EVC2: variants seen among roughly 807,000 people sequenced by gnomAD.
The protein encoded by EVC2 is EvC ciliary complex subunit 2.
A neutral mutation model predicts 149.3 loss-of-function variants in EVC2; 148 were observed. The observed-to-expected ratio is 0.99, with a 90% CI of 0.87 to 1.14. The LOEUF is 1.14. Among genes scored for constraint, EVC2 ranks in the 50% most tolerant of loss-of-function variants. The pLI is 0.00. For synonymous variants in EVC2, 776 were observed against 649.9 expected (o/e 1.19, Z -2.95); for missense variants, 1,854 against 1,627.3 (o/e 1.14, Z -2.40).
chr4:5,550,504 C>T (rs965129482), intron 21 of EVC2, among the ~76,000 whole-genome samples: 1 of 152,112 alleles, frequency 6.6e-6, no homozygotes, highest in African/African-American at 2.4e-5. Flanking sequence ...TTTCTAGCAG[C>T]AAAGCATTCA....
the EVC2 span, among the ~76,000 whole-genome samples, chr4:5,531,334 A>G: frequency 1.3e-5 from 2 of 152,148 alleles, no homozygotes; most frequent in African/African-American, 4.8e-5. Context: ...CGCAGATATA[A>G]TAAAATGGTG....
At chr4:5,612,828 A>G (rs1273670032) in intron 16 of EVC2, among the ~76,000 whole-genome samples, 1 of 146,040 alleles carries the variant, frequency 6.8e-6, no homozygotes, top group Non-Finnish European at 1.5e-5. Context: ...AGGCTGAGGC[A>G]GGAGAATGGC....
At chr4:5,560,057 T>C (rs763067782), downstream of EVC2, among the ~76,000 whole-genome samples, 2 of 151,878 alleles carry the variant, frequency 1.3e-5, no homozygotes, top group Non-Finnish European at 1.5e-5. The surrounding 1 kb of genome is among the most constrained non-coding windows in gnomAD (Gnocchi z 4.1). Context: ...ACCTTGCATT[T>C]ACCAATTATT....
chr4:5,617,365 G>C (rs1715331847), intron 15 of EVC2, among the ~76,000 whole-genome samples: 1 of 152,148 alleles, frequency 6.6e-6, no homozygotes, highest in Non-Finnish European at 1.5e-5. Flanking sequence ...GATCATGTAA[G>C]CTTCAGTAAT....
chr4:5,581,652 C>G (rs1208784436), intron 17 of EVC2, among the ~76,000 whole-genome samples: 1 of 151,546 alleles, frequency 6.6e-6, no homozygotes, highest in Non-Finnish European at 1.5e-5. Context: ...TGAAACTGGA[C>G]CTTATATTTA....
intron 16 of EVC2, among the ~76,000 whole-genome samples, chr4:5,585,914 TGC>T (rs539422043): frequency 1.6e-3 from 243 of 152,284 alleles, no homozygotes; most frequent in African/African-American, 5.7e-3. Flanking sequence ...CAAGCTGGAG[TGC>T]AGTGGTGCAA....
chr4:5,561,454 TA>T (rs1284239458), downstream of EVC2, among the ~76,000 whole-genome samples: 1 of 152,214 alleles, frequency 6.6e-6, no homozygotes, highest in African/African-American at 2.4e-5. Flanking sequence ...TCAAACTGCT[TA>T]CCTGCACCTT....
chr4:5,679,616 TTTTTA>T lies in EVC2; in HGVS notation c.870+1639_870+1643del, dbSNP rs1381505086. On this transcript the variant is annotated intron_variant, in intron 7 of 21. Transcript: ENST00000344408. The surrounding 1 kb of genome is among the most constrained non-coding windows in gnomAD (Gnocchi z 5.1). ...ATCTTGGCTTACTGTAATTTTTTAT[TTTTTA>T]TTTTATTTTATTTTACTTTAAGTTC... Among the ~76,000 whole-genome samples, 1 of 152,152 alleles carries T rather than the reference TTTTTA, an allele frequency of 6.6e-6. No individual in the cohort carries two copies. Among genetic ancestry groups the T allele is most frequent in the African/African-American group, 2.4e-5 (1 of 41,442 alleles).
intron 7 of EVC2, among the ~76,000 whole-genome samples, chr4:5,666,064 G>A (rs747457899): frequency 2.0e-5 from 3 of 152,016 alleles, no homozygotes; most frequent in East Asian, 1.9e-4. Flanking sequence ...TCACCTTCCC[G>A]CTACCCTCTA....
At chr4:5,678,368 C>A (rs1203232504) in intron 7 of EVC2, among the ~76,000 whole-genome samples, 1 of 152,196 alleles carries the variant, frequency 6.6e-6, no homozygotes, top group African/African-American at 2.4e-5. Context: ...GGAGATGAAG[C>A]ATCCCCTCTG....
At position 5,706,319 on chromosome 4, in the gene EVC2, T is replaced by C. The variant is rs1248052124; in HGVS notation, c.228+1967A>G. Among the ~76,000 whole-genome samples, 3 of 141,782 alleles carry C rather than the reference T, an allele frequency of 2.1e-5. 1 individual carries two copies. Among genetic ancestry groups the C allele is most frequent in the Non-Finnish European group, 4.6e-5 (3 of 65,350 alleles). 93.0% of individuals were successfully genotyped at this position (141,782 alleles called of 152,430 possible). A position where few individuals can be genotyped will look rare whatever the true frequency, so the allele number is the denominator to read the frequency against. ...ATAGATAGATACATAGATAGATAGA[T>C]ACATAGATAGATAGATAGATACATA... On this transcript the variant is annotated intron_variant, in intron 1 of 21. Transcript: ENST00000344408.
chr4:5,609,530 CCTTT>C (rs1221624905), intron 16 of EVC2, among the ~76,000 whole-genome samples: 1 of 152,138 alleles, frequency 6.6e-6, no homozygotes, highest in African/African-American at 2.4e-5. Flanking sequence ...CTCGTGTCTG[CCTTT>C]CTTTGTGAGG....
intron 6 of EVC2, among the ~76,000 whole-genome samples, chr4:5,681,797 G>C (rs890461942): frequency 5.3e-5 from 8 of 152,180 alleles, no homozygotes; most frequent in African/African-American, 1.9e-4. Flanking sequence ...GAAGATACAG[G>C]AAACAGAAAA....
rs116352765 is a variant in EVC2 at position 5,640,159 on chromosome 4, A to C, written c.1470+355T>G. Among the ~76,000 whole-genome samples the C allele has an allele frequency of 6.6e-6, 1 of 151,966 alleles. No homozygotes were observed. The highest frequency in any genetic ancestry group is 2.4e-5 in the African/African-American group (1 of 41,374). On this transcript the variant is annotated intron_variant, in intron 10 of 21. Coordinates refer to ENST00000344408, the MANE Select transcript of EVC2 (RefSeq NM_147127.5). The surrounding 1 kb of genome is among the most constrained non-coding windows in gnomAD (Gnocchi z 4.6). ...AATTGTTGGATGGGTGATGGGTGGC[A>C]TGGATGGGAGGGTGGATAAATGAGT...
intron 16 of EVC2, 49 bp downstream of exon 16, chr4:5,615,373 G>A (rs770666901): frequency 6.2e-7 from 1 of 1,613,404 alleles, no homozygotes; most frequent in Non-Finnish European, 8.5e-7. Context: ...TATCAGAGCA[G>A]CCCCGCCATG....
At chr4:5,572,180 G>A (rs973491534) in intron 19 of EVC2, among the ~76,000 whole-genome samples, 1 of 152,196 alleles carries the variant, frequency 6.6e-6, no homozygotes, top group Non-Finnish European at 1.5e-5. Context: ...ACTATACAAA[G>A]CACCAAGTTG....
In EVC2 at chr4:5,576,363, C is replaced by G; in HGVS notation, c.3149G>C (p.Trp1050Ser). The change falls in exon 18 of 22, where the codon TGG (tryptophan) becomes TCG (serine). Residue 1050 changes from tryptophan (W) to serine (S), a missense_variant. Physicochemically the swap from Trp to Ser is radical, Grantham distance 177. Transcript: ENST00000344408. The surrounding 1 kb of genome is among the most constrained non-coding windows in gnomAD (Gnocchi z 4.5). Reference sequence around the variant, plus strand: ...CAGAATCCCGGGCCCATCGGCCACCCACTGCTGCCAGCTCGCCAGGGCCTG... The same window carrying G: ...CAGAATCCCGGGCCCATCGGCCACCGACTGCTGCCAGCTCGCCAGGGCCTG... The part of the protein sequence containing the change: ...QQQALASWQQ[W>S]VADGPGILNE... 1 of 1,614,200 alleles carries G rather than the reference C, an allele frequency of 6.2e-7. No homozygotes were observed.
At chr4:5,648,651 G>T (rs1208491641) in intron 9 of EVC2, among the ~76,000 whole-genome samples, 1 of 152,158 alleles carries the variant, frequency 6.6e-6, no homozygotes, top group African/African-American at 2.4e-5. Context: ...CTCATTCTTG[G>T]TTCTTCCCTC....
intron 21 of EVC2, among the ~76,000 whole-genome samples, chr4:5,563,365 G>C (rs1467581679): frequency 6.6e-6 from 1 of 152,132 alleles, no homozygotes; most frequent in East Asian, 1.9e-4. Flanking sequence ...TGTTTTGTTT[G>C]AGATGGAGTT....
Sources: allele counts gnomAD v4.1 joint callset (sites outside exome capture counted in the v4.1 genomes callset), GRCh38; gene constraint gnomAD v4.1.1; non-coding constraint Gnocchi (gnomAD v3.1); transcripts MANE v1.5; gene names NCBI Gene and HGNC (gene_info 2026-07-23, HGNC 2026-07-21).